The following MYOF variants were observed in gnomAD, a reference collection of about 807,000 sequenced individuals.
MYOF encodes the protein myoferlin, also known as fer-1-like 3, myoferlin.
A neutral mutation model predicts 284.2 loss-of-function variants in MYOF; 244 were observed. That is an observed-to-expected ratio of 0.86 (90% CI 0.77 to 0.95). The LOEUF (loss-of-function observed/expected upper bound fraction) is 0.95, where lower values mean the gene tolerates loss of function less well. Ranked by LOEUF, MYOF falls within the 40% of genes least tolerant of loss-of-function variation. The pLI, the probability that MYOF is intolerant of heterozygous loss-of-function variation, is 0.00. For synonymous variants in MYOF, 904 were observed against 919.7 expected, an observed-to-expected ratio of 0.98 and a Z score of 0.31; for missense variants, 2,496 against 2,560.6, an observed-to-expected ratio of 0.97 and a Z score of 0.54.
chr10:93,418,133 A>G (rs1436865139), intron 5 of MYOF, among the ~76,000 whole-genome samples: 2 of 152,126 alleles, frequency 1.3e-5, no homozygotes, highest in Non-Finnish European at 2.9e-5. Context: ...GCTTTTCAAG[A>G]TGAAGTCTTG....
chr10:93,351,000 A>G (rs1844479336), intron 35 of MYOF, among the ~76,000 whole-genome samples, 197 bp downstream of exon 35: 1 of 152,166 alleles, frequency 6.6e-6, no homozygotes, highest in Non-Finnish European at 1.5e-5. Flanking sequence ...TGCCCTCAGG[A>G]ATGTTAGAAT....
chr10:93,394,446 G>GTTTTTTTTTTTTT (rs1411982961), intron 16 of MYOF, among the ~76,000 whole-genome samples: 4 of 33,484 alleles, frequency 1.2e-4, no homozygotes, highest in Non-Finnish European at 1.3e-4. Flanking sequence ...TCACCATCTT[G>GTTTTTTTTTTTTT]TCTTTTTTTT....
intron 3 of MYOF, among the ~76,000 whole-genome samples, chr10:93,433,506 C>G (rs1365592915): frequency 2.6e-5 from 4 of 152,164 alleles, no homozygotes; most frequent in Non-Finnish European, 5.9e-5. Flanking sequence ...CTGTCTACAT[C>G]GGCACTGACT....
chr10:93,460,407 A>C (rs937200937), intron 1 of MYOF, among the ~76,000 whole-genome samples: 1 of 152,236 alleles, frequency 6.6e-6, no homozygotes. Context: ...ACATTTATTA[A>C]GCATCCACTG....
chr10:93,372,857 A>G, intron 24 of MYOF, 73 bp downstream of exon 24: 1 of 1,546,988 alleles, frequency 6.5e-7, no homozygotes, highest in Non-Finnish European at 8.9e-7. Flanking sequence ...TGCAAATGAT[A>G]TAAAGCAGAC....
At chr10:93,446,586 G>A (rs909344841) in intron 3 of MYOF, among the ~76,000 whole-genome samples, 1 of 151,916 alleles carries the variant, frequency 6.6e-6, no homozygotes, top group Non-Finnish European at 1.5e-5. Context: ...TGGGTGCCCA[G>A]CAAATGTCAG....
chr10:93,327,926 CTGTT>C (rs951251217), intron 45 of MYOF, among the ~76,000 whole-genome samples: 9 of 151,902 alleles, frequency 5.9e-5, no homozygotes, highest in Admixed American at 1.3e-4. Context: ...CCCGGCTCTT[CTGTT>C]TGTTTGTTTT....
intron 46 of MYOF, chr10:93,323,722 C>T (rs562162828): frequency 3.7e-4 from 79 of 215,172 alleles, no homozygotes; most frequent in Non-Finnish European, 6.5e-4. Context: ...CACGCGCGTG[C>T]GCGCACATCC....
intron 40 of MYOF, chr10:93,337,503 G>C: frequency 3.4e-6 from 1 of 295,950 alleles, no homozygotes. Context: ...ATGACTTCTG[G>C]GTTTCCCTGA....
At chr10:93,307,192 C>G (rs1015146955) in intron 53 of MYOF, among the ~76,000 whole-genome samples, 191 bp from the exon 54 acceptor site, 1 of 120,038 alleles carries the variant, frequency 8.3e-6, no homozygotes, top group African/African-American at 2.8e-5. Flanking sequence ...AGTAGCACCC[C>G]CCCGCCAAGT....
chr10:93,442,517 G>C (rs2056297394), intron 3 of MYOF, among the ~76,000 whole-genome samples: 1 of 134,594 alleles, frequency 7.4e-6, no homozygotes, highest in African/African-American at 2.4e-5. Context: ...ACAAGAACTG[G>C]AATACATTTC....
intron 26 of MYOF, among the ~76,000 whole-genome samples, chr10:93,365,794 T>C (rs1017665418): frequency 3.9e-5 from 6 of 152,188 alleles, no homozygotes; most frequent in African/African-American, 1.4e-4. Flanking sequence ...AGTCTCTCTC[T>C]GCACAGCAAA....
intron 1 of MYOF, among the ~76,000 whole-genome samples, chr10:93,473,159 G>T (rs1589621253): frequency 6.6e-6 from 1 of 152,180 alleles, no homozygotes; most frequent in Non-Finnish European, 1.5e-5. Flanking sequence ...GAAAGAAGGG[G>T]GTTCTTTTAA....
chr10:93,315,453 CG>C (rs1460381775), intron 50 of MYOF, among the ~76,000 whole-genome samples: 5 of 152,034 alleles, frequency 3.3e-5, no homozygotes, highest in Non-Finnish European at 5.9e-5. Context: ...CAGAGGACTC[CG>C]GGTGCTTTCG....
At chr10:93,480,277 G>A (rs74727814) in intron 1 of MYOF, among the ~76,000 whole-genome samples, 2,799 of 152,226 alleles carry the variant, frequency 0.018, 32 homozygotes, top group African/African-American at 0.035. Context: ...TAAGCTGGGC[G>A]TGGTAGTTTA....
At chr10:93,446,670 C>CT (rs1404902759) in intron 3 of MYOF, among the ~76,000 whole-genome samples, 5 of 151,904 alleles carry the variant, frequency 3.3e-5, no homozygotes, top group Non-Finnish European at 7.4e-5. Flanking sequence ...TAGAATTTAC[C>CT]TTTTTCTGTT....
chr10:93,408,882 T>C lies in MYOF; in HGVS notation c.634A>G (p.Ser212Gly). ...ACCACAGGCCTTATGTTGTTACCAC[T>C]TAACTGTCGGCCCTCAATCACTCGG... ...RVRVIEGRQL[S>G]GNNIRPVVKV... Residue 212 changes from serine to glycine, a missense_variant, in exon 7 of 54, where the codon AGT becomes GGT. Physicochemically the swap from Ser to Gly is moderately conservative, Grantham distance 56 (BLOSUM62 0). Transcript: ENST00000359263. 6.2e-7 allele frequency: 1 copy of C among 1,614,218 alleles called. No individual in the cohort carries two copies. The highest frequency in any genetic ancestry group is 1.1e-5 in the South Asian group (1 of 91,080).
chr10:93,354,492 T>G (rs1359649444), intron 31 of MYOF, among the ~76,000 whole-genome samples: 2 of 152,202 alleles, frequency 1.3e-5, no homozygotes, highest in Non-Finnish European at 2.9e-5. Context: ...CTGCTTATCA[T>G]CACAGACCTT....
intron 29 of MYOF, 44 bp downstream of exon 29, chr10:93,359,789 G>A (rs557898994): frequency 2.5e-6 from 4 of 1,610,126 alleles, no homozygotes; most frequent in South Asian, 1.1e-5. Flanking sequence ...GTAGTCAGGA[G>A]GGCAGAGCTC....
Sources: gnomAD v4.1 joint callset for allele counts (sites outside exome capture counted in the v4.1 genomes callset) on GRCh38, gnomAD v4.1.1 for gene constraint, MANE v1.5 for transcripts, NCBI Gene and HGNC (gene_info 2026-07-23, HGNC 2026-07-21) for gene names.